HERPUD2: variants seen among roughly 807,000 people sequenced by gnomAD.
The protein encoded by HERPUD2 is HERPUD family member 2.
A neutral mutation model predicts 49.9 loss-of-function variants in HERPUD2; 13 were observed. That is an observed-to-expected ratio of 0.26 (90% CI 0.17 to 0.41). HERPUD2 has a LOEUF of 0.41. Ranked by LOEUF, HERPUD2 falls within the 10% of genes least tolerant of loss-of-function variation. The probability of loss-of-function intolerance (pLI) is 1.00; values close to 1 mark genes in which losing one functional copy is unlikely to be tolerated. For missense variants in HERPUD2, 449 were observed against 492.2 expected (o/e 0.91, Z 0.83); for synonymous variants, 172 against 171.4 (o/e 1.00, Z -0.03).
chr7:35,634,390 A>T lies in HERPUD2; in HGVS notation c.981T>A (p.Gly327=), dbSNP rs1194820448. Residue 327 remains glycine (G), a synonymous_variant, in exon 8 of 9, where the codon GGT becomes GGA. Coordinates refer to ENST00000311350, the MANE Select transcript of HERPUD2 (RefSeq NM_022373.5). Reference sequence around the variant, plus strand: ...CATTATTGTTGGGAGCCTGCTGATGACCTCCTTCTTGCCTAAAAGGAAACC... The same window carrying T: ...CATTATTGTTGGGAGCCTGCTGATGTCCTCCTTCTTGCCTAAAAGGAAACC... ...AGWFPFRQEG[G]HQQAPNNNAE... 6.2e-7 allele frequency: 1 copy of T among 1,613,740 alleles called. No individual in the cohort carries two copies.
At chr7:35,653,032 C>T (rs890498935) in intron 5 of HERPUD2, among the ~76,000 whole-genome samples, 1 of 152,074 alleles carries the variant, frequency 6.6e-6, no homozygotes, top group African/African-American at 2.4e-5. Context: ...AAATGCTATA[C>T]AAAAACCAGA....
chr7:35,689,382 T>C (rs550421118), intron 2 of HERPUD2, among the ~76,000 whole-genome samples: 4 of 152,240 alleles, frequency 2.6e-5, no homozygotes, highest in Non-Finnish European at 5.9e-5. Flanking sequence ...ACAATAGTTT[T>C]ATAAAACAAA....
rs1786263811 is a variant in HERPUD2 at position 35,694,226 on chromosome 7, C to T, written c.105G>A (p.Gly35=). 6.2e-7 allele frequency: 1 copy of T among 1,613,918 alleles called. No individual in the cohort carries two copies. The highest frequency in any genetic ancestry group is 1.7e-5 in the Admixed American group (1 of 59,978). ...TISCFLNWTV[G]KLKTHLSNVY... ...CGTTAGATAGATGCGTTTTTAGTTT[C>T]CCCACGGTCCAGTTCAAGAAGCAGC... Residue 35 remains glycine, a synonymous_variant, in exon 2 of 9, where the codon GGG becomes GGA. Coordinates refer to ENST00000311350, the MANE Select transcript of HERPUD2 (RefSeq NM_022373.5).
intron 2 of HERPUD2, among the ~76,000 whole-genome samples, chr7:35,688,457 A>T (rs1347011598): frequency 2.6e-5 from 4 of 152,218 alleles, no homozygotes; most frequent in African/African-American, 9.6e-5. Flanking sequence ...CAAGTGATGT[A>T]CACCTCTGAT....
intron 2 of HERPUD2, among the ~76,000 whole-genome samples, chr7:35,691,730 A>G (rs1786193263): frequency 6.6e-6 from 1 of 152,210 alleles, no homozygotes. Context: ...TTCCTTTATA[A>G]TATTACTTAA....
chr7:35,694,164 C>A lies in HERPUD2; in HGVS notation c.147+20G>T, dbSNP rs777115348. On this transcript the variant is annotated intron_variant, in intron 2 of 8. Coordinates refer to ENST00000311350, the MANE Select transcript of HERPUD2 (RefSeq NM_022373.5). ...AAAGCTGCTGGTCAGAGCAGCTGCC[C>A]CCAGCTTTTACACACTTACTGGTTT... 3.3e-5 allele frequency: 54 copies of A among 1,613,744 alleles called. No homozygotes were observed. In the South Asian group the frequency reaches 3.5e-4, roughly 11 times the overall value.
At chr7:35,669,851 T>C (rs972912271) in intron 4 of HERPUD2, among the ~76,000 whole-genome samples, 2 of 152,130 alleles carry the variant, frequency 1.3e-5, no homozygotes, top group African/African-American at 4.8e-5. Flanking sequence ...GAATAAAATA[T>C]ACTATTTTAA....
At chr7:35,683,471 G>C (rs1320814410) in intron 2 of HERPUD2, among the ~76,000 whole-genome samples, 1 of 152,176 alleles carries the variant, frequency 6.6e-6, no homozygotes, top group African/African-American at 2.4e-5. Context: ...AAAAATTATA[G>C]ATGATAATAT....
At chr7:35,693,129 C>T (rs1235785412) in intron 2 of HERPUD2, among the ~76,000 whole-genome samples, 1 of 152,134 alleles carries the variant, frequency 6.6e-6, no homozygotes, top group Non-Finnish European at 1.5e-5. Context: ...GATTACCAAC[C>T]ACGGCCTTTC....
intron 4 of HERPUD2, 47 bp downstream of exon 4, chr7:35,670,168 G>GAAA: frequency 2.2e-6 from 2 of 893,752 alleles, no homozygotes; most frequent in East Asian, 2.7e-5. Context: ...AGACGACGAC[G>GAAA]AAAAAAAAAG....
chr7:35,649,338 A>C (rs148409968), intron 5 of HERPUD2, among the ~76,000 whole-genome samples: 215 of 152,370 alleles, frequency 1.4e-3, no homozygotes, highest in African/African-American at 5.1e-3. Context: ...TTTACAAAAC[A>C]AACAGTGTGA....
chr7:35,652,133 A>G (rs2115883612), intron 5 of HERPUD2, among the ~76,000 whole-genome samples: 1 of 152,312 alleles, frequency 6.6e-6, no homozygotes, highest in South Asian at 2.1e-4. Context: ...CTGGAATGCC[A>G]TACTGAAACT....
At chr7:35,663,855 A>C (rs1436443144) in intron 5 of HERPUD2, among the ~76,000 whole-genome samples, 1 of 152,146 alleles carries the variant, frequency 6.6e-6, no homozygotes, top group Non-Finnish European at 1.5e-5. Flanking sequence ...CCAATTTGCC[A>C]GTCTGTGTCT....
intron 2 of HERPUD2, among the ~76,000 whole-genome samples, chr7:35,690,208 T>C (rs17699339): frequency 0.082 from 12,413 of 152,264 alleles, 726 homozygotes; most frequent in South Asian, 0.21. Context: ...AAATGTCATA[T>C]TACAACTCAC....
At chr7:35,637,031 G>A (rs1173339497) in intron 6 of HERPUD2, among the ~76,000 whole-genome samples, 1 of 152,086 alleles carries the variant, frequency 6.6e-6, no homozygotes, top group Non-Finnish European at 1.5e-5. Context: ...CTACTGCGAG[G>A]CTGAGGCACA....
At chr7:35,667,899 C>T (rs1449597320) in intron 4 of HERPUD2, among the ~76,000 whole-genome samples, 1 of 152,100 alleles carries the variant, frequency 6.6e-6, no homozygotes, top group Non-Finnish European at 1.5e-5. Context: ...GCTCTTTTCA[C>T]ATGATTAAAT....
intron 5 of HERPUD2, among the ~76,000 whole-genome samples, chr7:35,661,447 C>A (rs1785420248): frequency 6.6e-6 from 1 of 152,124 alleles, no homozygotes; most frequent in South Asian, 2.1e-4. Context: ...GGCATTGAAT[C>A]TATGAATTAC....
intron 4 of HERPUD2, chr7:35,668,415 CA>C (rs1260150361): frequency 1.3e-5 from 2 of 152,586 alleles, no homozygotes; most frequent in Non-Finnish European, 2.9e-5. Context: ...AATAGTTTGT[CA>C]AGTGTTTCAT....
chr7:35,687,994 T>A (rs1462296669), intron 2 of HERPUD2, among the ~76,000 whole-genome samples: 5 of 152,194 alleles, frequency 3.3e-5, no homozygotes, highest in African/African-American at 1.2e-4. Flanking sequence ...TAATTAAAAA[T>A]TTTAAAATAT....
Sources: allele counts gnomAD v4.1 joint callset (sites outside exome capture counted in the v4.1 genomes callset), GRCh38; gene constraint gnomAD v4.1.1; transcripts MANE v1.5; gene names NCBI Gene and HGNC (gene_info 2026-07-23, HGNC 2026-07-21).